The following UNC13C variants were observed in gnomAD, a reference collection of about 807,000 sequenced individuals.
The protein encoded by UNC13C is protein unc-13 homolog C.
Under a neutral mutation model 245.4 loss-of-function variants are expected in UNC13C, and 174 were observed. That is an observed-to-expected ratio of 0.71 (90% CI 0.63 to 0.80). UNC13C has a LOEUF of 0.80. UNC13C is among the 30% of genes least tolerant of loss of function. The probability of loss-of-function intolerance (pLI) is 0.00; values close to 1 mark genes in which losing one functional copy is unlikely to be tolerated. For synonymous variants in UNC13C, 992 were observed against 895.1 expected, an observed-to-expected ratio of 1.11 and a Z score of -1.93; for missense variants, 2,829 against 2,602.9, an observed-to-expected ratio of 1.09 and a Z score of -1.89.
chr15:54,517,664 T>C (rs1895039941), intron 24 of UNC13C, among the ~76,000 whole-genome samples: 1 of 152,182 alleles, frequency 6.6e-6, no homozygotes, highest in Non-Finnish European at 1.5e-5. Flanking sequence ...CGCTAATTCA[T>C]TCAACAAATA....
intron 19 of UNC13C, among the ~76,000 whole-genome samples, chr15:54,447,112 G>T (rs908000329): frequency 1.3e-5 from 2 of 152,114 alleles, no homozygotes; most frequent in Admixed American, 1.3e-4. Flanking sequence ...TGCATGTGTT[G>T]AACCAGCCTT....
intron 2 of UNC13C, among the ~76,000 whole-genome samples, chr15:54,039,604 A>G (rs1264550817): frequency 6.6e-6 from 1 of 150,406 alleles, no homozygotes; most frequent in Non-Finnish European, 1.5e-5. Context: ...TTTTTTTCCT[A>G]TTTATGGTTG....
chr15:54,366,234 G>A (rs2039362510), intron 17 of UNC13C, among the ~76,000 whole-genome samples: 1 of 152,100 alleles, frequency 6.6e-6, no homozygotes, highest in Non-Finnish European at 1.5e-5. Flanking sequence ...TTTGGGTGGT[G>A]CATTTTCTAG....
At chr15:54,258,525 G>A (rs1347521881) in intron 8 of UNC13C, among the ~76,000 whole-genome samples, 4 of 151,868 alleles carry the variant, frequency 2.6e-5, no homozygotes, top group Non-Finnish European at 4.4e-5. Flanking sequence ...CACCACATCC[G>A]GCTAATTTTT....
chr15:54,570,316 C>T lies in UNC13C; in HGVS notation c.6106+2369C>T, dbSNP rs536185513. Among the ~76,000 whole-genome samples, 88 of 152,294 alleles carry T rather than the reference C, an allele frequency of 5.8e-4. 1 individual carries two copies. The highest frequency in any genetic ancestry group is 6.8e-3 in the Middle Eastern group (2 of 294). Reference sequence around the variant, plus strand: ...GGATTCCAGCAAGTAAGCTAAAGCCCACCTTCCTCTTGTGAGGTTCACTTG... The same window carrying T: ...GGATTCCAGCAAGTAAGCTAAAGCCTACCTTCCTCTTGTGAGGTTCACTTG... On this transcript the variant is annotated intron_variant, in intron 30 of 32. Transcript: ENST00000260323.
chr15:54,246,751 G>A (rs189199231), intron 7 of UNC13C, among the ~76,000 whole-genome samples: 52 of 151,354 alleles, frequency 3.4e-4, no homozygotes, highest in African/African-American at 9.5e-4. Context: ...TGGCCTATCG[G>A]AGGGTGGGGG....
chr15:54,628,932 G>C (rs1486338341), downstream of UNC13C: 1 of 151,468 alleles, frequency 6.6e-6, no homozygotes, highest in Admixed American at 6.6e-5. Context: ...CCATTACTGA[G>C]TACACAGCCA....
chr15:54,545,678 A>C (rs1896451969), intron 26 of UNC13C, among the ~76,000 whole-genome samples: 1 of 152,218 alleles, frequency 6.6e-6, no homozygotes, highest in Non-Finnish European at 1.5e-5. Flanking sequence ...AAAAGAAGAC[A>C]TTTATGCGGC....
the UNC13C span, among the ~76,000 whole-genome samples, chr15:53,903,752 A>G: frequency 1.1e-4 from 16 of 152,188 alleles, no homozygotes; most frequent in Non-Finnish European, 2.1e-4. Flanking sequence ...GGCTGTGTTC[A>G]AGTCTAGGTT....
At chr15:53,979,698 C>T (rs969887846) in intron 1 of UNC13C, among the ~76,000 whole-genome samples, 5 of 152,106 alleles carry the variant, frequency 3.3e-5, no homozygotes, top group Non-Finnish European at 5.9e-5. Context: ...AATCAATTTT[C>T]CTCGTTAGGC....
intron 19 of UNC13C, among the ~76,000 whole-genome samples, chr15:54,490,599 T>C (rs545782131): frequency 3.9e-5 from 6 of 152,102 alleles, no homozygotes; most frequent in East Asian, 1.9e-4. Flanking sequence ...TACTGCTGGC[T>C]TTTACCTGCT....
At chr15:54,238,075 G>GT (rs1567125357) in intron 7 of UNC13C, among the ~76,000 whole-genome samples, 1 of 26,452 alleles carries the variant, frequency 3.8e-5, no homozygotes, top group South Asian at 2.1e-3. Flanking sequence ...GACTTTTATA[G>GT]GTTTTTTTTT....
chr15:53,849,683 T>C, the UNC13C span, among the ~76,000 whole-genome samples: 1 of 152,178 alleles, frequency 6.6e-6, no homozygotes, highest in African/African-American at 2.4e-5. Flanking sequence ...AGCCATTAGA[T>C]GATGAGTCAC....
chr15:54,163,510 A>G (rs1369897788), intron 4 of UNC13C, among the ~76,000 whole-genome samples: 2 of 152,114 alleles, frequency 1.3e-5, no homozygotes, highest in Non-Finnish European at 2.9e-5. Context: ...ATCATTTTTA[A>G]ACTTTACCAC....
chr15:54,145,881 T>C (rs1401806370), intron 4 of UNC13C, among the ~76,000 whole-genome samples: 1 of 152,226 alleles, frequency 6.6e-6, no homozygotes, highest in African/African-American at 2.4e-5. Flanking sequence ...GTTAAGCACA[T>C]GCAGTATAAA....
intron 1 of UNC13C, among the ~76,000 whole-genome samples, chr15:53,986,287 G>A (rs1349871837): frequency 2.0e-5 from 3 of 152,066 alleles, no homozygotes; most frequent in South Asian, 4.1e-4. Context: ...GAGACAAAGT[G>A]TGGGGTCAAC....
At chr15:54,490,252 T>C (rs954956403) in intron 19 of UNC13C, among the ~76,000 whole-genome samples, 7 of 152,224 alleles carry the variant, frequency 4.6e-5, no homozygotes, top group African/African-American at 1.7e-4. Context: ...TAGATAAGAA[T>C]AAAACTAGTT....
chr15:54,161,273 A>G (rs1005321936), intron 4 of UNC13C, among the ~76,000 whole-genome samples: 1 of 152,088 alleles, frequency 6.6e-6, no homozygotes, highest in Non-Finnish European at 1.5e-5. Flanking sequence ...TGTAGTCTCA[A>G]AGTTTATAAG....
chr15:54,009,550 C>CTTTT (rs958989518), intron 1 of UNC13C, among the ~76,000 whole-genome samples: 3 of 144,206 alleles, frequency 2.1e-5, no homozygotes, highest in African/African-American at 5.1e-5. Flanking sequence ...TCTTCTTCTT[C>CTTTT]TTTTTTTTTT....
Sources: gnomAD v4.1 joint callset for allele counts (sites outside exome capture counted in the v4.1 genomes callset) on GRCh38, gnomAD v4.1.1 for gene constraint, MANE v1.5 for transcripts, NCBI Gene and HGNC (gene_info 2026-07-23, HGNC 2026-07-21) for gene names.